Variants in RAB18 observed in about 807,000 individuals in gnomAD.
RAB18 encodes RAB18, member RAS oncogene family, also known as ras-related protein Rab-18.
In RAB18, 10 loss-of-function variants were observed where a neutral mutation model predicts 28.5. The ratio of observed to expected loss-of-function variants is 0.35; its 90% CI spans 0.22 to 0.60. The LOEUF (loss-of-function observed/expected upper bound fraction) is 0.60, where lower values mean the gene tolerates loss of function less well. Ranked by LOEUF, RAB18 falls within the 20% of genes least tolerant of loss-of-function variation. The pLI is 0.78. For synonymous variants in RAB18, 93 were observed against 86.9 expected, an observed-to-expected ratio of 1.07 and a Z score of -0.39; for missense variants, 188 against 244.2, an observed-to-expected ratio of 0.77 and a Z score of 1.53.
At chr10:27,507,615 T>C (rs1054243549) in intron 1 of RAB18, among the ~76,000 whole-genome samples, 2 of 151,650 alleles carry the variant, frequency 1.3e-5, no homozygotes, top group Non-Finnish European at 2.9e-5. Context: ...AATCACACTC[T>C]GTTTATTATA....
chr10:27,514,376 A>T (rs984643666), intron 2 of RAB18, among the ~76,000 whole-genome samples: 1 of 152,232 alleles, frequency 6.6e-6, no homozygotes, highest in Admixed American at 6.5e-5. Context: ...CACTTGACAT[A>T]AGAGGCCGGG....
intron 3 of RAB18, among the ~76,000 whole-genome samples, chr10:27,530,991 T>C (rs1834776223): frequency 6.6e-6 from 1 of 152,078 alleles, no homozygotes; most frequent in Non-Finnish European, 1.5e-5. Context: ...TAATTTATAT[T>C]ATTGTTCTTG....
At position 27,541,599 on chromosome 10, in the gene RAB18, G is replaced by GT; in HGVS notation, c.*3549dup. On this transcript the variant is annotated 3_prime_UTR_variant, in exon 7 of 7. Transcript: ENST00000356940. Reference sequence around the variant, plus strand: ...TGTGTTCATGCCTGTTCTCAGTCTTGTCCCCTTTACCGTTTCTCATGCAGG... The same window carrying GT: ...TGTGTTCATGCCTGTTCTCAGTCTTGTTCCCCTTTACCGTTTCTCATGCAGG... 2.2e-6 allele frequency: 1 copy of GT among 451,634 alleles called. No individual in the cohort carries two copies. The highest frequency in any genetic ancestry group is 1.6e-5 in the South Asian group (1 of 64,338). 28.0% of individuals were successfully genotyped at this position (451,634 alleles called of 1,614,324 possible). A position where few individuals can be genotyped will look rare whatever the true frequency, so the allele number is the denominator to read the frequency against.
Position 27,540,115 on chromosome 10 carries a change from G to C in RAB18, c.*2064G>C, listed in dbSNP as rs2132419433. On this transcript the variant is annotated 3_prime_UTR_variant, in exon 7 of 7. Transcript: ENST00000356940. The stretch of plus-strand genomic sequence containing the variant: ...GAATATAGTATTTTGAGTTCTAGTA[G>C]TACTGAGATTGACCCAAACAAATAA... 1 of 454,022 alleles carries C rather than the reference G, an allele frequency of 2.2e-6. No individual in the cohort carries two copies. Among genetic ancestry groups the C allele is most frequent in the Non-Finnish European group, 4.4e-6 (1 of 226,758 alleles). 28.1% of individuals were successfully genotyped at this position (454,022 alleles called of 1,614,324 possible). A position where few individuals can be genotyped will look rare whatever the true frequency, so the allele number is the denominator to read the frequency against.
chr10:27,510,710 G>A (rs927631601), intron 2 of RAB18, among the ~76,000 whole-genome samples: 2 of 152,178 alleles, frequency 1.3e-5, no homozygotes. Flanking sequence ...TAAATTGGGA[G>A]GTTTTGTTAA....
intron 2 of RAB18, among the ~76,000 whole-genome samples, chr10:27,523,809 G>A (rs1834617273): frequency 6.6e-6 from 1 of 151,972 alleles, no homozygotes; most frequent in Non-Finnish European, 1.5e-5. Flanking sequence ...GCTGGGTGCG[G>A]TGGCTCACGC....
intron 2 of RAB18, among the ~76,000 whole-genome samples, chr10:27,523,906 C>T (rs1351175013): frequency 6.6e-6 from 1 of 151,792 alleles, no homozygotes; most frequent in Admixed American, 6.6e-5. Flanking sequence ...GGTGAAACCT[C>T]GTCTTTACTA....
At chr10:27,523,641 C>CTT (rs1485140146) in intron 2 of RAB18, among the ~76,000 whole-genome samples, 2 of 129,282 alleles carry the variant, frequency 1.5e-5, no homozygotes, top group Non-Finnish European at 3.1e-5. Flanking sequence ...GAGACAGGGT[C>CTT]TTGCTCTGTT....
intron 1 of RAB18, chr10:27,504,697 A>T: frequency 1.4e-6 from 1 of 706,154 alleles, no homozygotes; most frequent in East Asian, 2.8e-5. Flanking sequence ...AGAAAACACC[A>T]TTCCGAGGGC....
chr10:27,506,718 A>G (rs1000398866), intron 1 of RAB18, among the ~76,000 whole-genome samples: 2 of 152,124 alleles, frequency 1.3e-5, no homozygotes, highest in Non-Finnish European at 2.9e-5. Context: ...TCATACTCCT[A>G]AAGTGCTGGG....
intron 1 of RAB18, among the ~76,000 whole-genome samples, chr10:27,508,018 TAAAAAA>T (rs1013067334): frequency 7.4e-5 from 10 of 135,836 alleles, no homozygotes; most frequent in African/African-American, 2.7e-4. Flanking sequence ...CCCTCTCTCT[TAAAAAA>T]AAAAAAAAAA....
At chr10:27,526,714 G>A in intron 2 of RAB18, 114 bp from the exon 3 acceptor site, 1 of 1,211,830 alleles carries the variant, frequency 8.3e-7, no homozygotes. Context: ...TAAGAAGTTG[G>A]GGTGTGAATT....
chr10:27,537,831 C>T (rs1340216194), intron 6 of RAB18, 45 bp from the exon 7 acceptor site: 14 of 1,514,532 alleles, frequency 9.2e-6, no homozygotes, highest in Non-Finnish European at 9.2e-7. Flanking sequence ...GAGAATATGG[C>T]CAGAAAGGAA....
chr10:27,509,196 A>T (rs1184440320), intron 1 of RAB18, among the ~76,000 whole-genome samples: 1 of 151,586 alleles, frequency 6.6e-6, no homozygotes, highest in Non-Finnish European at 1.5e-5. Flanking sequence ...ATTTTCTTCC[A>T]TTTTTTGTTA....
In RAB18 at chr10:27,523,850, C is replaced by T. The variant is rs12356824; in HGVS notation, c.125-2978C>T. ...ATCGCAGCACTTTGGGAGGCCGAGG[C>T]GGGCGGATCACGAGGTCAGGAGATT... On this transcript the variant is annotated intron_variant, in intron 2 of 6. Coordinates refer to ENST00000356940, the MANE Select transcript of RAB18 (RefSeq NM_021252.5). Among the ~76,000 whole-genome samples the T allele has an allele frequency of 4.6e-5, 7 of 151,708 alleles. No individual in the cohort carries two copies. In the East Asian group the frequency reaches 5.9e-4, roughly 13 times the overall value.
intron 6 of RAB18, among the ~76,000 whole-genome samples, chr10:27,537,108 G>A (rs1265877425): frequency 6.6e-6 from 1 of 152,220 alleles, no homozygotes; most frequent in Non-Finnish European, 1.5e-5. Flanking sequence ...AAAAGAAGGC[G>A]ATGGCTTGGA....
At chr10:27,509,120 C>T (rs1250916566) in intron 1 of RAB18, among the ~76,000 whole-genome samples, 1 of 152,148 alleles carries the variant, frequency 6.6e-6, no homozygotes, top group Non-Finnish European at 1.5e-5. Flanking sequence ...TTTCTAGTTT[C>T]TTACCATTTC....
chr10:27,505,760 A>G (rs978777593), intron 1 of RAB18, among the ~76,000 whole-genome samples: 7 of 152,052 alleles, frequency 4.6e-5, no homozygotes, highest in Admixed American at 2.6e-4. Flanking sequence ...GGGTTTCACC[A>G]TGTTGGCCAG....
At position 27,538,526 on chromosome 10, in the gene RAB18, T is replaced by C. The variant is rs1005460525; in HGVS notation, c.*475T>C. The C allele has an allele frequency of 2.2e-5, 10 of 454,612 alleles. No individual in the cohort carries two copies. Among genetic ancestry groups the C allele is most frequent in the Admixed American group, 1.4e-4 (6 of 42,578 alleles). 28.2% of individuals were successfully genotyped at this position (454,612 alleles called of 1,614,324 possible). On this transcript the variant is annotated 3_prime_UTR_variant, in exon 7 of 7. Transcript: ENST00000356940. ...GCATGATTCCACAGCTTTTCTGGGA[T>C]GTTTGAGATTCTTTTTTAGTACTAA...
Sources: gnomAD v4.1 joint callset for allele counts (sites outside exome capture counted in the v4.1 genomes callset) on GRCh38, gnomAD v4.1.1 for gene constraint, MANE v1.5 for transcripts, NCBI Gene and HGNC (gene_info 2026-07-23, HGNC 2026-07-21) for gene names.